The following GABRA4 variants were observed in gnomAD, a reference collection of about 807,000 sequenced individuals.
GABRA4 encodes the protein gamma-aminobutyric acid type A receptor subunit alpha4.
A neutral mutation model predicts 49.7 loss-of-function variants in GABRA4; 12 were observed. That is an observed-to-expected ratio of 0.24 (90% CI 0.15 to 0.39). The LOEUF is 0.39. GABRA4 is among the 10% of genes least tolerant of loss of function. The pLI is 1.00. For synonymous variants in GABRA4, 288 were observed against 240.2 expected (o/e 1.20, Z -1.84); for missense variants, 506 against 686.0 (o/e 0.74, Z 2.93).
At chr4:46,970,279 G>A (rs958140710) in intron 7 of GABRA4, among the ~76,000 whole-genome samples, 18 of 151,574 alleles carry the variant, frequency 1.2e-4, no homozygotes, top group Non-Finnish European at 2.4e-4. Flanking sequence ...TGGCACTCTT[G>A]TGAGGAATAC....
intron 4 of GABRA4, 89 bp downstream of exon 4, chr4:46,977,321 G>A (rs1019038204): frequency 1.4e-6 from 1 of 720,982 alleles, no homozygotes; most frequent in East Asian, 3.0e-5. Context: ...AGGGAGGAAG[G>A]GAGGGAGGAA....
chr4:46,958,628 C>T (rs1722448558), intron 8 of GABRA4, among the ~76,000 whole-genome samples: 1 of 151,878 alleles, frequency 6.6e-6, no homozygotes, highest in African/African-American at 2.4e-5. Context: ...TAATAATCAG[C>T]AGAAACAGAA....
Position 46,922,811 on chromosome 4 carries a change from A to T in GABRA4, c.*5414T>A, listed in dbSNP as rs1268628339. 6.6e-6 allele frequency: 1 copy of T among 152,178 alleles called. No homozygotes were observed. The highest frequency in any genetic ancestry group is 2.4e-5 in the African/African-American group (1 of 41,442). The allele number at this position is 152,178 out of a possible 1,614,324, so 9.4% of individuals were successfully genotyped here. A position where few individuals can be genotyped will look rare whatever the true frequency, so the allele number is the denominator to read the frequency against. On this transcript the variant is annotated 3_prime_UTR_variant, in exon 9 of 9. Transcript: ENST00000264318. ...ACAAAAGTTAAAGAAAATTTTAAAG[A>T]TACCAAAGTAGTTACAAAGAATACT...
intron 8 of GABRA4, among the ~76,000 whole-genome samples, chr4:46,950,106 G>C (rs1477344139): frequency 6.6e-6 from 1 of 152,112 alleles, no homozygotes; most frequent in Admixed American, 6.6e-5. Context: ...ATCAGCTAAG[G>C]CTTTAGCACA....
Position 46,977,562 on chromosome 4 carries a change from A to T in GABRA4, c.342T>A (p.Ile114=), listed in dbSNP as rs141943997. Residue 114 remains isoleucine, a synonymous_variant, in exon 4 of 9, where the codon ATT becomes ATA. Coordinates refer to ENST00000264318, the MANE Select transcript of GABRA4 (RefSeq NM_000809.4). The part of the protein sequence containing the change: ...IDKRLKYDGP[I]EILRLNNMMV... ...TCATATTGTTCAATCTCAAAATTTC[A>T]ATGGGGCCGTCATATTTTAATCTTT... 1 of 1,613,158 alleles carries T rather than the reference A, an allele frequency of 6.2e-7. No homozygotes were observed. Among genetic ancestry groups the T allele is most frequent in the Non-Finnish European group, 8.5e-7 (1 of 1,179,470 alleles).
At chr4:46,950,725 A>G (rs1181599372) in intron 8 of GABRA4, among the ~76,000 whole-genome samples, 1 of 140,702 alleles carries the variant, frequency 7.1e-6, no homozygotes, top group Non-Finnish European at 1.6e-5. Context: ...GAAAATAAAT[A>G]AATAAATAAA....
chr4:46,932,464 A>G (rs10021503), intron 8 of GABRA4, among the ~76,000 whole-genome samples: 79,025 of 151,892 alleles, frequency 0.52, 20,741 homozygotes, highest in East Asian at 0.66. Flanking sequence ...TCAAGTACTC[A>G]TAGTAGTATA....
At chr4:46,979,883 A>G (rs1390090429) in intron 2 of GABRA4, among the ~76,000 whole-genome samples, 1 of 152,108 alleles carries the variant, frequency 6.6e-6, no homozygotes, top group East Asian at 1.9e-4. Flanking sequence ...CTAGTTCGTA[A>G]AGAAGCACAC....
At chr4:46,974,128 T>A (rs1723052571) in intron 6 of GABRA4, 104 bp downstream of exon 6, 4 of 1,140,058 alleles carry the variant, frequency 3.5e-6, no homozygotes, top group Non-Finnish European at 5.0e-6. Flanking sequence ...TGGAAAATGT[T>A]TGTTGTTCTC....
At chr4:46,952,338 A>T (rs1722200823) in intron 8 of GABRA4, among the ~76,000 whole-genome samples, 1 of 152,118 alleles carries the variant, frequency 6.6e-6, no homozygotes, top group Non-Finnish European at 1.5e-5. Context: ...AAGCTAAAAA[A>T]ATCCTGTAAC....
intron 5 of GABRA4, 105 bp from the exon 6 acceptor site, chr4:46,974,480 A>G (rs1723066388): frequency 1.9e-6 from 2 of 1,078,418 alleles, no homozygotes; most frequent in Non-Finnish European, 2.6e-6. Flanking sequence ...GGAATAAATG[A>G]AAACAATGTT....
rs758047851 is a variant in GABRA4 at position 46,928,421 on chromosome 4, A to C, written c.1469T>G (p.Val490Gly). ...CTTCCCAGTAGCCCCTATGGTATTA[A>C]CTGTGGTCTTTATCCTCTGCAGTCT... ...GSRLQRIKTT[V>G]NTIGATGKLS... Residue 490 changes from valine to glycine, a missense_variant, in exon 9 of 9, where the codon GTT becomes GGT. By Grantham distance (109) the Val-to-Gly change is moderately radical. Transcript: ENST00000264318. 9.3e-6 allele frequency: 15 copies of C among 1,613,562 alleles called. No homozygotes were observed. Among genetic ancestry groups the C allele is most frequent in the Non-Finnish European group, 8.5e-6 (10 of 1,179,720 alleles).
At chr4:46,934,146 A>T (rs1042969661) in intron 8 of GABRA4, among the ~76,000 whole-genome samples, 5 of 152,184 alleles carry the variant, frequency 3.3e-5, no homozygotes, top group Non-Finnish European at 7.3e-5. Flanking sequence ...ATGTAACTTA[A>T]TCCTTGTAAA....
chr4:46,938,478 T>C (rs894488600), intron 8 of GABRA4, among the ~76,000 whole-genome samples: 8 of 152,100 alleles, frequency 5.3e-5, no homozygotes, highest in African/African-American at 1.7e-4. Context: ...CAGTATATTT[T>C]TGTTGGGGAG....
At chr4:46,928,825 T>A in intron 8 of GABRA4, 70 bp from the exon 9 acceptor site, 1 of 1,013,934 alleles carries the variant, frequency 9.9e-7, no homozygotes, top group Non-Finnish European at 1.4e-6. Flanking sequence ...TTTAAAGGGA[T>A]CAAAATTCTT....
intron 2 of GABRA4, among the ~76,000 whole-genome samples, chr4:46,985,686 G>C (rs1723508583): frequency 6.6e-6 from 1 of 151,814 alleles, no homozygotes; most frequent in Admixed American, 6.6e-5. Context: ...CCATAATCTA[G>C]ATTTTACAAT....
Position 46,920,686 on chromosome 4 carries a change from G to A in GABRA4, c.*7539C>T, listed in dbSNP as rs770196819. 24 of 151,578 alleles carry A rather than the reference G, an allele frequency of 1.6e-4. No homozygotes were observed. Among genetic ancestry groups the A allele is most frequent in the Non-Finnish European group, 2.7e-4 (18 of 67,704 alleles). The allele number at this position is 151,578 out of a possible 1,614,324, so 9.4% of individuals were successfully genotyped here. A position where few individuals can be genotyped will look rare whatever the true frequency, so the allele number is the denominator to read the frequency against. ...CACACACTCACACCAAAATTCCAAT[G>A]TATTACAGGGAGGTATTTCCAAATT... is the stretch of plus-strand genomic sequence containing the variant. On this transcript the variant is annotated 3_prime_UTR_variant, in exon 9 of 9. Coordinates refer to ENST00000264318, the MANE Select transcript of GABRA4 (RefSeq NM_000809.4).
chr4:46,962,200 G>A (rs1381875469), intron 8 of GABRA4, among the ~76,000 whole-genome samples: 2 of 151,796 alleles, frequency 1.3e-5, no homozygotes, highest in Non-Finnish European at 2.9e-5. Flanking sequence ...CATGTTAAGA[G>A]CTGCTGCTTT....
intron 8 of GABRA4, among the ~76,000 whole-genome samples, chr4:46,941,062 A>T (rs1721770714): frequency 6.6e-6 from 1 of 152,096 alleles, no homozygotes; most frequent in South Asian, 2.1e-4. Flanking sequence ...TTGAACCAGT[A>T]GCTGAGTTGC....
Sources: allele counts gnomAD v4.1 joint callset (sites outside exome capture counted in the v4.1 genomes callset), GRCh38; gene constraint gnomAD v4.1.1; transcripts MANE v1.5; gene names NCBI Gene and HGNC (gene_info 2026-07-23, HGNC 2026-07-21).